The following SPOCK3 variants were observed in gnomAD, a reference collection of about 807,000 sequenced individuals.
SPOCK3 encodes SPARC (osteonectin), cwcv and kazal like domains proteoglycan 3, also known as testican-3.
In SPOCK3, 30 loss-of-function variants were observed where a neutral mutation model predicts 56.6. That is an observed-to-expected ratio of 0.53 (90% CI 0.40 to 0.72). The LOEUF is 0.72. Ranked by LOEUF, SPOCK3 falls within the 30% of genes least tolerant of loss-of-function variation. SPOCK3 has a pLI of 0.00. For synonymous variants in SPOCK3, 196 were observed against 183.3 expected, an observed-to-expected ratio of 1.07 and a Z score of -0.56; for missense variants, 527 against 530.0, an observed-to-expected ratio of 0.99 and a Z score of 0.06.
chr4:166,764,262 A>G (rs1737655359), intron 7 of SPOCK3, among the ~76,000 whole-genome samples: 1 of 152,094 alleles, frequency 6.6e-6, no homozygotes, highest in Non-Finnish European at 1.5e-5. Context: ...ACATATGTAT[A>G]CATGTACCAT....
At chr4:167,122,223 A>T (rs926164080) in intron 2 of SPOCK3, among the ~76,000 whole-genome samples, 1 of 149,564 alleles carries the variant, frequency 6.7e-6, no homozygotes, top group Non-Finnish European at 1.5e-5. Flanking sequence ...AGCACATCTC[A>T]CTGCAGCCTA....
chr4:167,209,625 A>G (rs947886708), intron 2 of SPOCK3, among the ~76,000 whole-genome samples: 1 of 152,074 alleles, frequency 6.6e-6, no homozygotes, highest in Non-Finnish European at 1.5e-5. Context: ...TTCTCACTTA[A>G]ATAGCCAGAT....
chr4:167,196,436 A>G (rs1051052651), intron 2 of SPOCK3, among the ~76,000 whole-genome samples: 1 of 151,992 alleles, frequency 6.6e-6, no homozygotes, highest in African/African-American at 2.4e-5. Context: ...CTGGACACAA[A>G]CTTCACTAGG....
At chr4:167,116,031 G>C (rs1485185553) in intron 2 of SPOCK3, among the ~76,000 whole-genome samples, 5 of 151,904 alleles carry the variant, frequency 3.3e-5, no homozygotes, top group Non-Finnish European at 2.9e-5. Flanking sequence ...AAGCAATAAA[G>C]AGTAATGAAA....
chr4:167,085,473 A>G (rs1228668290), intron 2 of SPOCK3, among the ~76,000 whole-genome samples: 1 of 152,080 alleles, frequency 6.6e-6, no homozygotes, highest in East Asian at 1.9e-4. Context: ...GAATTTGGTG[A>G]CTTTGGAATC....
At chr4:166,868,803 G>T (rs1025914539) in intron 6 of SPOCK3, among the ~76,000 whole-genome samples, 1 of 152,004 alleles carries the variant, frequency 6.6e-6, no homozygotes, top group African/African-American at 2.4e-5. Flanking sequence ...AAACTACTTG[G>T]AATCAGGGCC....
At position 167,139,292 on chromosome 4, in the gene SPOCK3, G is replaced by A. The variant is rs1429610184; in HGVS notation, c.190-76755C>T. Among the ~76,000 whole-genome samples the A allele has an allele frequency of 2.0e-5, 3 of 151,998 alleles. No individual in the cohort carries two copies. In the East Asian group the frequency reaches 5.8e-4, roughly 29 times the overall value. ...GAAAATAATTTATGTGCCCATCACTGAATGTTATTTACTCAGCTGAAACAT... is the reference window on the plus strand; with the variant it reads ...GAAAATAATTTATGTGCCCATCACTAAATGTTATTTACTCAGCTGAAACAT... On this transcript the variant is annotated intron_variant, in intron 2 of 10. Transcript: ENST00000357545.
chr4:167,065,123 A>C (rs889855999), intron 2 of SPOCK3, among the ~76,000 whole-genome samples: 1 of 151,120 alleles, frequency 6.6e-6, no homozygotes, highest in Non-Finnish European at 1.5e-5. Context: ...AGAAGAAAAA[A>C]TGTTTTTGCT....
rs576040047 is a variant in SPOCK3 at position 167,204,930 on chromosome 4, A to G, written c.189+29055T>C. Among the ~76,000 whole-genome samples the G allele has an allele frequency of 4.0e-5, 6 of 149,098 alleles. No homozygotes were observed. In the East Asian group the frequency reaches 1.2e-3, roughly 30 times the overall value. On this transcript the variant is annotated intron_variant, in intron 2 of 10. Transcript: ENST00000357545. ...ACCTTTCGACTCCTGGGATCAAGCAATCCTCCTCCCTCAGCCTCCTAGGTA... is the reference window on the plus strand; with the variant it reads ...ACCTTTCGACTCCTGGGATCAAGCAGTCCTCCTCCCTCAGCCTCCTAGGTA...
intron 2 of SPOCK3, among the ~76,000 whole-genome samples, chr4:167,111,477 T>C (rs1760895109): frequency 6.6e-6 from 1 of 152,124 alleles, no homozygotes; most frequent in Non-Finnish European, 1.5e-5. Flanking sequence ...TAAAAGACAT[T>C]ATTCTACATA....
At chr4:167,098,637 C>T (rs1759367491) in intron 2 of SPOCK3, among the ~76,000 whole-genome samples, 1 of 151,992 alleles carries the variant, frequency 6.6e-6, no homozygotes, top group South Asian at 2.1e-4. Flanking sequence ...ACCTACAGAA[C>T]AAAGTCCAAC....
intron 2 of SPOCK3, among the ~76,000 whole-genome samples, chr4:167,105,882 A>C (rs1266577682): frequency 1.3e-5 from 2 of 151,962 alleles, no homozygotes; most frequent in African/African-American, 4.8e-5. Context: ...AACTATAAGA[A>C]ACAAAGAAGT....
At chr4:167,218,468 T>C (rs1254133799) in intron 2 of SPOCK3, among the ~76,000 whole-genome samples, 1 of 152,120 alleles carries the variant, frequency 6.6e-6, no homozygotes, top group Admixed American at 6.6e-5. Flanking sequence ...AGACTTCTTG[T>C]AGCAAAGCCA....
At chr4:167,074,753 G>T (rs1757019012) in intron 2 of SPOCK3, among the ~76,000 whole-genome samples, 2 of 151,866 alleles carry the variant, frequency 1.3e-5, no homozygotes, top group African/African-American at 4.8e-5. Context: ...GCGAGGAGTT[G>T]CTGGAAAATC....
At chr4:166,987,074 A>G (rs1391214353) in intron 4 of SPOCK3, among the ~76,000 whole-genome samples, 2 of 152,166 alleles carry the variant, frequency 1.3e-5, no homozygotes. Context: ...AAGCCCTGCC[A>G]TGGTTTGCCA....
At chr4:166,801,239 C>T (rs535704244) in intron 6 of SPOCK3, among the ~76,000 whole-genome samples, 1 of 152,070 alleles carries the variant, frequency 6.6e-6, no homozygotes, top group Non-Finnish European at 1.5e-5. Flanking sequence ...TTTTATAACA[C>T]CATCAGCTAG....
intron 3 of SPOCK3, among the ~76,000 whole-genome samples, chr4:167,020,266 C>T (rs1350577573): frequency 1.3e-5 from 2 of 152,054 alleles, no homozygotes; most frequent in African/African-American, 2.4e-5. Context: ...TGTAAAATAG[C>T]CATATAACTT....
chr4:167,004,595 A>T lies in SPOCK3; in HGVS notation c.236-4132T>A, dbSNP rs1398269687. 8.5e-5 allele frequency among the ~76,000 whole-genome samples: 13 copies of T among 152,278 alleles called. No individual in the cohort carries two copies. In the East Asian group the frequency reaches 2.5e-3, roughly 29 times the overall value. On this transcript the variant is annotated intron_variant, in intron 3 of 10. Coordinates refer to ENST00000357545, the MANE Select transcript of SPOCK3 (RefSeq NM_001040159.2). Reference sequence around the variant, plus strand: ...ATGGTTTGAAGTGTGTGTGATTAAGACAGGGATATTAACCAGCTGTATGAG... The same window carrying T: ...ATGGTTTGAAGTGTGTGTGATTAAGTCAGGGATATTAACCAGCTGTATGAG...
At chr4:166,744,573 A>G (rs1338115327) in intron 8 of SPOCK3, among the ~76,000 whole-genome samples, 1 of 152,158 alleles carries the variant, frequency 6.6e-6, no homozygotes, top group Non-Finnish European at 1.5e-5. Context: ...CAGAGCGCCT[A>G]TTCTCCTCCA....
Sources: gnomAD v4.1 joint callset for allele counts (sites outside exome capture counted in the v4.1 genomes callset) on GRCh38, gnomAD v4.1.1 for gene constraint, MANE v1.5 for transcripts, NCBI Gene and HGNC (gene_info 2026-07-23, HGNC 2026-07-21) for gene names.